SPTA1: variants seen among roughly 807,000 people sequenced by gnomAD.
SPTA1 encodes spectrin alpha chain, erythrocytic 1.
In SPTA1, 177 loss-of-function variants were observed where a neutral mutation model predicts 324.7. The ratio of observed to expected loss-of-function variants is 0.55; its 90% CI spans 0.48 to 0.62. The LOEUF is 0.62. Among genes scored for constraint, SPTA1 ranks in the 20% least tolerant of loss-of-function variants. The pLI, the probability that SPTA1 is intolerant of heterozygous loss-of-function variation, is 0.00. For missense variants in SPTA1, 3,162 were observed against 2,883.6 expected, an observed-to-expected ratio of 1.10 and a Z score of -2.21; for synonymous variants, 1,195 against 1,041.3, an observed-to-expected ratio of 1.15 and a Z score of -2.84.
intron 14 of SPTA1, 55 bp downstream of exon 14, chr1:158,669,353 T>C: frequency 6.2e-7 from 1 of 1,611,258 alleles, no homozygotes; most frequent in Non-Finnish European, 8.5e-7. Flanking sequence ...AAGACTGTAC[T>C]TCCAATGAAA....
chr1:158,661,039 A>G (rs896758687), intron 18 of SPTA1, among the ~76,000 whole-genome samples: 2 of 152,216 alleles, frequency 1.3e-5, no homozygotes, highest in East Asian at 3.9e-4. Flanking sequence ...AATGATTAGG[A>G]TAAAGACATT....
chr1:158,663,640 A>T (rs1188685509), intron 16 of SPTA1, among the ~76,000 whole-genome samples: 1 of 152,192 alleles, frequency 6.6e-6, no homozygotes, highest in East Asian at 1.9e-4. Flanking sequence ...GGCCTGGCAG[A>T]CACAGTACCC....
chr1:158,681,992 A>T (rs140734727), intron 3 of SPTA1, among the ~76,000 whole-genome samples: 60 of 152,300 alleles, frequency 3.9e-4, no homozygotes, highest in African/African-American at 1.3e-3. Context: ...GAGCAGAAAG[A>T]TTTTTGACAG....
At chr1:158,640,252 A>C (rs1651446865) in intron 33 of SPTA1, among the ~76,000 whole-genome samples, 2 of 152,192 alleles carry the variant, frequency 1.3e-5, no homozygotes, top group African/African-American at 4.8e-5. Flanking sequence ...ATGCCAAAAA[A>C]CTATTGGCAG....
At chr1:158,611,519 A>T in intron 51 of SPTA1, 130 bp from the exon 52 acceptor site, 1 of 980,306 alleles carries the variant, frequency 1.0e-6, no homozygotes, top group Non-Finnish European at 1.5e-6. Flanking sequence ...TATTTCTATT[A>T]CACACAATTT....
Position 158,639,673 on chromosome 1 carries a change from A to G in SPTA1, c.4889T>C (p.Leu1630Pro), listed in dbSNP as rs1333866403. The change falls in exon 35 of 52, where the codon CTG (leucine) becomes CCG (proline). Residue 1630 changes from leucine to proline, a missense_variant. Coordinates refer to ENST00000643759, the MANE Select transcript of SPTA1 (RefSeq NM_003126.4). ...EFWLSEAETLLAMKDQARDLA... is the reference protein window; with the variant it reads ...EFWLSEAETLPAMKDQARDLA... ...GTCCCTGGCCTGATCTTTCATGGCC[A>G]GCAATGTCTCTGCCTGGAAATAGAG... The G allele has an allele frequency of 6.2e-7, 1 of 1,613,858 alleles. No homozygotes were observed. Among genetic ancestry groups the G allele is most frequent in the Non-Finnish European group, 8.5e-7 (1 of 1,179,900 alleles).
Position 158,638,028 on chromosome 1 carries a change from C to T in SPTA1, c.5189+5G>A, listed in dbSNP as rs1328607271. The T allele has an allele frequency of 6.2e-7, 1 of 1,613,456 alleles. No individual in the cohort carries two copies. The highest frequency in any genetic ancestry group is 1.7e-5 in the Admixed American group (1 of 59,992). The stretch of plus-strand genomic sequence containing the variant: ...TCCACACATTTTTGAGCTGGTGGCA[C>T]ATACTCTATCCAGGATTCCTCATCA... On this transcript the variant is annotated splice_donor_5th_base_variant and intron_variant, in intron 36 of 51. Transcript: ENST00000643759.
intron 42 of SPTA1, among the ~76,000 whole-genome samples, chr1:158,624,897 A>T (rs1650169316): frequency 6.6e-6 from 1 of 152,244 alleles, no homozygotes; most frequent in South Asian, 2.1e-4. Context: ...TTCCATTGAA[A>T]TGCCTGAAAG....
At position 158,677,833 on chromosome 1, in the gene SPTA1, C is replaced by T. The variant is rs771724803; in HGVS notation, c.814G>A (p.Asp272Asn). 5.0e-6 allele frequency: 8 copies of T among 1,613,402 alleles called. No individual in the cohort carries two copies. The African/African-American group carries it at 1.1e-4, about 22-fold the overall frequency. ...NAANLQRFKR[D>N]VTEAIQWIKE... The stretch of plus-strand genomic sequence containing the variant: ...ATCCACTGGATGGCTTCAGTCACAT[C>T]CCTGCAGTCATTAACAAGAGCTCCA... Residue 272 changes from aspartate (D) to asparagine (N), a missense_variant and splice_region_variant, in exon 7 of 52, where the codon GAT becomes AAT. Transcript: ENST00000643759.
rs778200024 is a variant in SPTA1, at chr1:158,635,925, A to G, written c.5420T>C (p.Leu1807Ser). 8 of 1,614,188 alleles carry G rather than the reference A, an allele frequency of 5.0e-6. No homozygotes were observed. The Admixed American group carries it at 1.3e-4, about 27-fold the overall frequency. ...GTATCCCACTCACCGGGCCTTGGCC[A>G]ACTCTTTGAGCTTCTCCCAGTGTTC... ...FVEHWEKLKELAKARGLKLEE... is the reference protein window; with the variant it reads ...FVEHWEKLKESAKARGLKLEE... The change falls in exon 38 of 52, where the codon TTG (leucine) becomes TCG (serine). Residue 1807 changes from leucine to serine, a missense_variant. Physicochemically the swap from Leu to Ser is moderately radical, Grantham distance 145. Transcript: ENST00000643759.
intron 50 of SPTA1, 111 bp downstream of exon 50, chr1:158,613,610 T>C: frequency 6.6e-7 from 1 of 1,507,770 alleles, no homozygotes; most frequent in Non-Finnish European, 9.2e-7. Flanking sequence ...TGCCTATTTC[T>C]TCCTATTTTC....
chr1:158,620,060 C>A, intron 44 of SPTA1, 110 bp downstream of exon 44: 1 of 1,353,896 alleles, frequency 7.4e-7, no homozygotes, highest in Non-Finnish European at 1.1e-6. Flanking sequence ...ACTTCTGTCC[C>A]AGTATAGTTA....
intron 3 of SPTA1, 149 bp downstream of exon 3, chr1:158,683,222 C>T: frequency 9.2e-7 from 1 of 1,088,292 alleles, no homozygotes; most frequent in East Asian, 2.4e-5. Flanking sequence ...GATATCCCAT[C>T]ATTTTTTATG....
At chr1:158,680,366 ACT>A (rs973662662) in intron 5 of SPTA1, among the ~76,000 whole-genome samples, 1 of 151,958 alleles carries the variant, frequency 6.6e-6, no homozygotes, top group Admixed American at 6.6e-5. Context: ...ACAAAAACAC[ACT>A]CTCTCTTTCT....
intron 14 of SPTA1, 95 bp downstream of exon 14, chr1:158,669,313 C>G (rs1235643443): frequency 6.5e-7 from 1 of 1,539,188 alleles, no homozygotes; most frequent in Non-Finnish European, 8.9e-7. Context: ...ATGAGGATCA[C>G]CAGCTGAACG....
At chr1:158,619,685 T>C (rs941109137) in intron 44 of SPTA1, among the ~76,000 whole-genome samples, 1 of 152,188 alleles carries the variant, frequency 6.6e-6, no homozygotes, top group African/African-American at 2.4e-5. Flanking sequence ...TTAGAAACAA[T>C]AGTTACTATC....
At chr1:158,646,000 T>C (rs1015317320) in intron 27 of SPTA1, among the ~76,000 whole-genome samples, 1 of 152,234 alleles carries the variant, frequency 6.6e-6, no homozygotes, top group Non-Finnish European at 1.5e-5. Flanking sequence ...TGGTTACTGT[T>C]CCTTTTAAGT....
chr1:158,650,040 G>T, intron 24 of SPTA1, 93 bp from the exon 25 acceptor site: 1 of 865,080 alleles, frequency 1.2e-6, no homozygotes, highest in Admixed American at 2.0e-5. Context: ...AAACATAGTT[G>T]TTTTTACGTT....
chr1:158,677,603 C>T (rs1008249515), intron 7 of SPTA1, 87 bp downstream of exon 7: 4 of 1,519,346 alleles, frequency 2.6e-6, no homozygotes, highest in East Asian at 2.3e-5. Flanking sequence ...ACTTATTGTG[C>T]TCTCTGGAGG....
Sources: allele counts gnomAD v4.1 joint callset (sites outside exome capture counted in the v4.1 genomes callset), GRCh38; gene constraint gnomAD v4.1.1; transcripts MANE v1.5; gene names NCBI Gene and HGNC (gene_info 2026-07-23, HGNC 2026-07-21).